The following GALNT13 variants were observed in gnomAD, a reference collection of about 807,000 sequenced individuals.
GALNT13 encodes the protein polypeptide N-acetylgalactosaminyltransferase 13.
GALNT13 carries 28 observed loss-of-function variants against 64.2 expected under a neutral mutation model. The observed-to-expected ratio is 0.44, with a 90% CI of 0.32 to 0.60. The LOEUF is 0.60. GALNT13 is among the 20% of genes least tolerant of loss of function. The pLI is 0.05. For missense variants in GALNT13, 577 were observed against 669.8 expected (o/e 0.86, Z 1.53); for synonymous variants, 214 against 224.6 (o/e 0.95, Z 0.42).
the GALNT13 span, among the ~76,000 whole-genome samples, chr2:153,439,162 C>T: frequency 6.6e-6 from 1 of 152,118 alleles, no homozygotes; most frequent in Non-Finnish European, 1.5e-5. Context: ...AATGCTGCTG[C>T]CTGATCGTTC....
the GALNT13 span, among the ~76,000 whole-genome samples, chr2:153,736,447 C>T: frequency 1.3e-5 from 2 of 152,088 alleles, no homozygotes; most frequent in Admixed American, 6.6e-5. Context: ...ACATTGGTTC[C>T]TTTTAATAGT....
chr2:153,498,520 G>A, the GALNT13 span, among the ~76,000 whole-genome samples: 1 of 152,236 alleles, frequency 6.6e-6, no homozygotes, highest in Non-Finnish European at 1.5e-5. Flanking sequence ...GTGGTGGGGC[G>A]GGCAGCTACA....
chr2:153,877,506 T>TA (rs1164948362), intron 1 of GALNT13, among the ~76,000 whole-genome samples: 2 of 152,172 alleles, frequency 1.3e-5, no homozygotes, highest in African/African-American at 4.8e-5. Context: ...AATGTCAACT[T>TA]AGTCTCTTGT....
chr2:154,082,428 C>A (rs1348718598), intron 3 of GALNT13, among the ~76,000 whole-genome samples: 1 of 151,558 alleles, frequency 6.6e-6, no homozygotes, highest in Non-Finnish European at 1.5e-5. Flanking sequence ...CATAAACGTG[C>A]CTAAAATTCC....
the GALNT13 span, among the ~76,000 whole-genome samples, chr2:153,666,065 G>A: frequency 6.6e-6 from 1 of 152,020 alleles, no homozygotes; most frequent in East Asian, 1.9e-4. Context: ...TATCTGACAG[G>A]CTCTCCTGGG....
the GALNT13 span, among the ~76,000 whole-genome samples, chr2:153,273,363 G>A: frequency 2.0e-5 from 3 of 152,176 alleles, no homozygotes; most frequent in Non-Finnish European, 2.9e-5. Flanking sequence ...CTGCAGGCTA[G>A]TAGGCAAAAA....
At chr2:153,627,712 G>A in the GALNT13 span, among the ~76,000 whole-genome samples, 1 of 152,218 alleles carries the variant, frequency 6.6e-6, no homozygotes, top group East Asian at 1.9e-4. Flanking sequence ...AAGACAGAAG[G>A]AGACTCTTCT....
the GALNT13 span, among the ~76,000 whole-genome samples, chr2:153,195,774 A>T: frequency 3.3e-5 from 5 of 152,224 alleles, no homozygotes; most frequent in Non-Finnish European, 7.3e-5. Context: ...TTGTTCTGCA[A>T]CCAGGAAGAA....
the GALNT13 span, among the ~76,000 whole-genome samples, chr2:153,203,315 T>C: frequency 6.6e-6 from 1 of 152,154 alleles, no homozygotes; most frequent in Admixed American, 6.5e-5. Flanking sequence ...AGTGCATTTT[T>C]CCCCTAATTT....
At chr2:154,335,734 A>G (rs1374837693) in intron 9 of GALNT13, among the ~76,000 whole-genome samples, 1 of 152,060 alleles carries the variant, frequency 6.6e-6, no homozygotes, top group Admixed American at 6.6e-5. Flanking sequence ...CCAAACCCTC[A>G]TTACTAGGAT....
chr2:154,267,303 A>C (rs1004399029), intron 8 of GALNT13, among the ~76,000 whole-genome samples: 1 of 152,200 alleles, frequency 6.6e-6, no homozygotes, highest in African/African-American at 2.4e-5. Context: ...ATGAGTCATA[A>C]GAGAATGGAT....
chr2:154,020,102 T>C (rs1287279062), intron 3 of GALNT13, among the ~76,000 whole-genome samples: 1 of 152,226 alleles, frequency 6.6e-6, no homozygotes, highest in Non-Finnish European at 1.5e-5. Context: ...TCTGTCGTTG[T>C]TGCACATTTA....
chr2:153,764,889 C>A, the GALNT13 span, among the ~76,000 whole-genome samples: 1 of 152,342 alleles, frequency 6.6e-6, no homozygotes, highest in South Asian at 2.1e-4. Flanking sequence ...ATGGCTCAGG[C>A]CATTGCTTCA....
At chr2:153,722,164 C>T in the GALNT13 span, among the ~76,000 whole-genome samples, 13 of 144,858 alleles carry the variant, frequency 9.0e-5, no homozygotes, top group East Asian at 1.8e-3. Context: ...CACTCAAAGC[C>T]GCTCAACTAC....
At chr2:154,394,354 A>G (rs1698960725) in intron 9 of GALNT13, among the ~76,000 whole-genome samples, 1 of 152,200 alleles carries the variant, frequency 6.6e-6, no homozygotes, top group African/African-American at 2.4e-5. Context: ...TTTTATTGGA[A>G]AACACATGCA....
At chr2:154,166,965 C>T (rs939220262) in intron 4 of GALNT13, among the ~76,000 whole-genome samples, 19 of 144,580 alleles carry the variant, frequency 1.3e-4, no homozygotes, top group East Asian at 6.9e-4. Flanking sequence ...CATCACACAC[C>T]GGGGCCTGTT....
the GALNT13 span, among the ~76,000 whole-genome samples, chr2:153,212,255 A>G: frequency 6.6e-6 from 1 of 152,208 alleles, no homozygotes; most frequent in Non-Finnish European, 1.5e-5. Flanking sequence ...TCAAAATCTA[A>G]TCTAGAAAGG....
At chr2:153,495,363 C>G in the GALNT13 span, among the ~76,000 whole-genome samples, 3 of 152,018 alleles carry the variant, frequency 2.0e-5, no homozygotes, top group African/African-American at 7.2e-5. Context: ...AATAAAAAGA[C>G]TAATTCATTT....
At chr2:153,754,809 G>A in the GALNT13 span, among the ~76,000 whole-genome samples, 4 of 152,036 alleles carry the variant, frequency 2.6e-5, no homozygotes, top group South Asian at 2.1e-4. Flanking sequence ...TCAGAGCCCC[G>A]GAGGAGAGCT....
Sources: allele counts gnomAD v4.1 joint callset (sites outside exome capture counted in the v4.1 genomes callset), GRCh38; gene constraint gnomAD v4.1.1; transcripts MANE v1.5; gene names NCBI Gene and HGNC (gene_info 2026-07-23, HGNC 2026-07-21).